The following ENTPD1 variants were observed in gnomAD, a reference collection of about 807,000 sequenced individuals.
ENTPD1 encodes the protein ectonucleoside triphosphate diphosphohydrolase 1.
In ENTPD1, 33 loss-of-function variants were observed where a neutral mutation model predicts 57.0. The observed-to-expected ratio is 0.58, with a 90% CI of 0.44 to 0.77. The LOEUF is 0.77. ENTPD1 is among the 30% of genes least tolerant of loss of function. The probability of loss-of-function intolerance (pLI) is 0.00; values close to 1 mark genes in which losing one functional copy is unlikely to be tolerated. For missense variants in ENTPD1, 501 were observed against 603.4 expected, an observed-to-expected ratio of 0.83 and a Z score of 1.78; for synonymous variants, 202 against 218.8, an observed-to-expected ratio of 0.92 and a Z score of 0.68.
At chr10:95,815,315 G>A (rs1440989192) in intron 1 of ENTPD1, among the ~76,000 whole-genome samples, 1 of 152,214 alleles carries the variant, frequency 6.6e-6, no homozygotes, top group Non-Finnish European at 1.5e-5. Flanking sequence ...GTTCTGCCAC[G>A]TGCAAGGTGC....
chr10:95,868,599 T>C lies in ENTPD1; in HGVS notation c.*2216T>C. 1 of 985,008 alleles carries C rather than the reference T, an allele frequency of 1.0e-6. No individual in the cohort carries two copies. The highest frequency in any genetic ancestry group is 1.2e-6 in the Non-Finnish European group (1 of 829,756). The allele number at this position is 985,008 out of a possible 1,614,324, so 61.0% of individuals were successfully genotyped here. On this transcript the variant is annotated 3_prime_UTR_variant, in exon 10 of 10. Transcript: ENST00000371205. ...ATACAAAGCACTGTCATGCACACAATCTATTCTGACCCTCACAACAACCCA... is the reference window on the plus strand; with the variant it reads ...ATACAAAGCACTGTCATGCACACAACCTATTCTGACCCTCACAACAACCCA...
Position 95,868,668 on chromosome 10 carries a change from C to T in ENTPD1, c.*2285C>T, listed in dbSNP as rs1590225033. On this transcript the variant is annotated 3_prime_UTR_variant, in exon 10 of 10. Transcript: ENST00000371205. The stretch of plus-strand genomic sequence containing the variant: ...TTCCATTTTACAAATGAGGATCACA[C>T]AAACTACTACATGGCAGAGCAGATA... 3.1e-6 allele frequency: 3 copies of T among 979,676 alleles called. No homozygotes were observed. The highest frequency in any genetic ancestry group is 1.1e-4 in the East Asian group (1 of 8,776). 60.7% of individuals were successfully genotyped at this position (979,676 alleles called of 1,614,324 possible).
chr10:95,876,138 T>A lies in ENTPD1; in HGVS notation c.*9755T>A. On this transcript the variant is annotated 3_prime_UTR_variant, in exon 10 of 10. Transcript: ENST00000371205. ...TAAAAATAGAGCCTCAATAAACAGA[T>A]TCCCAGTTTTGAAAATGCAACATTT... 1 of 985,350 alleles carries A rather than the reference T, an allele frequency of 1.0e-6. No individual in the cohort carries two copies. Among genetic ancestry groups the A allele is most frequent in the Non-Finnish European group, 1.2e-6 (1 of 829,862 alleles). The allele number at this position is 985,350 out of a possible 1,614,324, so 61.0% of individuals were successfully genotyped here.
rs760854244 is a variant in ENTPD1, at chr10:95,876,581, A to G, written c.*10198A>G. On this transcript the variant is annotated 3_prime_UTR_variant, in exon 10 of 10. Transcript: ENST00000371205. Reference sequence around the variant, plus strand: ...CATGAAGATGGAAGTCTACATGGAGAATACAGGATGAATCCACTCTGTCTC... The same window carrying G: ...CATGAAGATGGAAGTCTACATGGAGGATACAGGATGAATCCACTCTGTCTC... 1 of 1,230,774 alleles carries G rather than the reference A, an allele frequency of 8.1e-7. No individual in the cohort carries two copies. The highest frequency in any genetic ancestry group is 1.0e-6 in the Non-Finnish European group (1 of 987,452). The allele number at this position is 1,230,774 out of a possible 1,614,324, so 76.2% of individuals were successfully genotyped here. A position where few individuals can be genotyped will look rare whatever the true frequency, so the allele number is the denominator to read the frequency against.
intron 1 of ENTPD1, among the ~76,000 whole-genome samples, chr10:95,724,601 G>T (rs956955806): frequency 1.3e-5 from 2 of 152,206 alleles, no homozygotes; most frequent in African/African-American, 4.8e-5. Flanking sequence ...TGGGCACTTA[G>T]CCATGCAGGA....
At chr10:95,761,407 A>G (rs573635456) in intron 1 of ENTPD1, among the ~76,000 whole-genome samples, 1 of 152,248 alleles carries the variant, frequency 6.6e-6, no homozygotes, top group Admixed American at 6.5e-5. Flanking sequence ...CCAGGCGATG[A>G]TAATGCTGCC....
In ENTPD1 at chr10:95,844,704, C is replaced by T. The variant is rs964841471; in HGVS notation, c.573+69C>T. ...AATGCCATTGCTATCTCAGGCAGTA[C>T]TTGGGTCGCTAGCCAGAATGAATGA... On this transcript the variant is annotated intron_variant, in intron 5 of 9. Coordinates refer to ENST00000371205, the MANE Select transcript of ENTPD1 (RefSeq NM_001776.6). 12 of 1,581,246 alleles carry T rather than the reference C, an allele frequency of 7.6e-6. No individual in the cohort carries two copies. In the Admixed American group the frequency reaches 1.5e-4, roughly 20 times the overall value.
chr10:95,834,935 A>T (rs2098405949), intron 2 of ENTPD1, among the ~76,000 whole-genome samples: 2 of 150,254 alleles, frequency 1.3e-5, no homozygotes, highest in Non-Finnish European at 3.0e-5. Context: ...AAAAAAAAAA[A>T]TTTAAAAATT....
At position 95,823,341 on chromosome 10, in the gene ENTPD1, A is replaced by G. The variant is rs1382436863; in HGVS notation, c.121A>G (p.Lys41Glu). Residue 41 changes from lysine (K) to glutamate (E), a missense_variant, in exon 2 of 10, where the codon AAA becomes GAA. Coordinates refer to ENST00000371205, the MANE Select transcript of ENTPD1 (RefSeq NM_001776.6). ...ALLAVGLTQN[K>E]ALPENVKYGI... ...GCTTGCTGTGGGGTTGACCCAGAAC[A>G]AAGCATTGCCAGAAAACGTTAAGGT... The G allele has an allele frequency of 1.1e-5, 17 of 1,614,180 alleles. No individual in the cohort carries two copies. The highest frequency in any genetic ancestry group is 1.4e-5 in the Non-Finnish European group (17 of 1,180,008).
In ENTPD1 at chr10:95,876,003, A is replaced by G. The variant is rs1357966531; in HGVS notation, c.*9620A>G. 2.4e-5 allele frequency: 24 copies of G among 985,302 alleles called. No individual in the cohort carries two copies. Among genetic ancestry groups the G allele is most frequent in the Non-Finnish European group, 2.8e-5 (23 of 829,940 alleles). The allele number at this position is 985,302 out of a possible 1,614,324, so 61.0% of individuals were successfully genotyped here. On this transcript the variant is annotated 3_prime_UTR_variant, in exon 10 of 10. Transcript: ENST00000371205. ...CTTTAACCAGCTGAATGGAAGTACA[A>G]TCTCTTGCTATATGACACAATAATT...
chr10:95,840,861 C>G (rs572467492), intron 3 of ENTPD1, among the ~76,000 whole-genome samples: 17 of 152,206 alleles, frequency 1.1e-4, no homozygotes, highest in African/African-American at 2.9e-4. Flanking sequence ...TAGCCTAGAT[C>G]CTAGAAGATA....
At chr10:95,849,878 G>C (rs1312127139) in intron 7 of ENTPD1, among the ~76,000 whole-genome samples, 2 of 152,222 alleles carry the variant, frequency 1.3e-5, no homozygotes. Context: ...AGGAAGGAGG[G>C]TGCCACCTTG....
chr10:95,772,846 T>C (rs915104461), intron 1 of ENTPD1, among the ~76,000 whole-genome samples: 7 of 152,390 alleles, frequency 4.6e-5, no homozygotes, highest in South Asian at 4.1e-4. Flanking sequence ...ATTAAATGTA[T>C]TTCTTAAATG....
chr10:95,860,429 TG>T (rs759717574), intron 7 of ENTPD1, 39 bp from the exon 8 acceptor site: 1 of 1,559,572 alleles, frequency 6.4e-7, no homozygotes, highest in South Asian at 1.1e-5. Flanking sequence ...GGCATCCCTC[TG>T]TGTGGAACAC....
rs772314516 is a variant in ENTPD1, at chr10:95,860,513, A to G, written c.1119A>G (p.Thr373=). Residue 373 remains threonine (T), a synonymous_variant, in exon 8 of 10, where the codon ACA becomes ACG. Coordinates refer to ENST00000371205, the MANE Select transcript of ENTPD1 (RefSeq NM_001776.6). ...TTGTGATGAAGTTTTTAAACTTGAC[A>G]TCAGAGAAAGTCTCTCAGGAAAAGG... ...FYFVMKFLNL[T]SEKVSQEKVT... 2.5e-6 allele frequency: 4 copies of G among 1,614,002 alleles called. No individual in the cohort carries two copies. The highest frequency in any genetic ancestry group is 2.5e-6 in the Non-Finnish European group (3 of 1,179,900).
intron 1 of ENTPD1, among the ~76,000 whole-genome samples, chr10:95,771,592 G>A (rs1031110961): frequency 6.6e-6 from 1 of 152,062 alleles, no homozygotes; most frequent in Non-Finnish European, 1.5e-5. Context: ...TTTTAGTGAT[G>A]TCCCGTATGA....
intron 2 of ENTPD1, among the ~76,000 whole-genome samples, chr10:95,824,928 T>C (rs1277752349): frequency 1.3e-5 from 2 of 152,236 alleles, no homozygotes; most frequent in African/African-American, 4.8e-5. Context: ...CACTGATTTA[T>C]TTTATACAAA....
chr10:95,730,744 A>T (rs555798606), intron 1 of ENTPD1, among the ~76,000 whole-genome samples: 161 of 152,350 alleles, frequency 1.1e-3, no homozygotes, highest in African/African-American at 3.8e-3. Flanking sequence ...CAATGAAACA[A>T]AAATAGTGGC....
At chr10:95,860,967 G>A (rs1039443323) in intron 8 of ENTPD1, among the ~76,000 whole-genome samples, 10 of 152,284 alleles carry the variant, frequency 6.6e-5, no homozygotes, top group African/African-American at 9.6e-5. Context: ...AAAAGGGGTC[G>A]AACCAGATAC....
Sources: gnomAD v4.1 joint callset for allele counts (sites outside exome capture counted in the v4.1 genomes callset) on GRCh38, gnomAD v4.1.1 for gene constraint, MANE v1.5 for transcripts, NCBI Gene and HGNC (gene_info 2026-07-23, HGNC 2026-07-21) for gene names.